RNLS: variants seen among roughly 807,000 people sequenced by gnomAD.
RNLS encodes the protein renalase, FAD dependent amine oxidase.
A neutral mutation model predicts 39.8 loss-of-function variants in RNLS; 39 were observed. That is an observed-to-expected ratio of 0.98 (90% CI 0.76 to 1.28). RNLS has a LOEUF of 1.28. Ranked by LOEUF, RNLS falls within the 50% of genes most tolerant of loss-of-function variation. RNLS has a pLI of 0.00. For missense variants in RNLS, 410 were observed against 413.3 expected (o/e 0.99, Z 0.07); for synonymous variants, 147 against 150.7 (o/e 0.98, Z 0.18).
At chr10:88,452,820 C>A (rs1842432938) in intron 4 of RNLS, among the ~76,000 whole-genome samples, 1 of 152,128 alleles carries the variant, frequency 6.6e-6, no homozygotes, top group South Asian at 2.1e-4. Flanking sequence ...AGAATGAGGG[C>A]AGGAAATATG....
At chr10:88,230,869 TGTTA>T in the RNLS span, among the ~76,000 whole-genome samples, 1 of 152,246 alleles carries the variant, frequency 6.6e-6, no homozygotes, top group Non-Finnish European at 1.5e-5. Flanking sequence ...TTCATACAAT[TGTTA>T]GTTAAATATG....
chr10:88,206,142 CT>C, the RNLS span, among the ~76,000 whole-genome samples: 1 of 152,188 alleles, frequency 6.6e-6, no homozygotes, highest in Non-Finnish European at 1.5e-5. Context: ...CACTAAGTTT[CT>C]GCTGAAGCCC....
intron 4 of RNLS, among the ~76,000 whole-genome samples, chr10:88,461,318 AT>A (rs2133938949): frequency 6.6e-6 from 1 of 152,234 alleles, no homozygotes. Flanking sequence ...CTTGCATGAA[AT>A]TGCTAACCAT....
chr10:88,375,992 C>T (rs1322669359), intron 4 of RNLS, among the ~76,000 whole-genome samples: 8 of 152,066 alleles, frequency 5.3e-5, no homozygotes, highest in African/African-American at 4.8e-5. Flanking sequence ...GGTTGTCTTA[C>T]GCAGACATAA....
intron 4 of RNLS, among the ~76,000 whole-genome samples, chr10:88,411,721 A>G (rs1191982741): frequency 6.6e-6 from 1 of 152,166 alleles, no homozygotes; most frequent in Non-Finnish European, 1.5e-5. Context: ...TGGTTAAAAC[A>G]TAATGTATGC....
At chr10:88,410,103 T>C (rs993147326) in intron 4 of RNLS, among the ~76,000 whole-genome samples, 1 of 152,132 alleles carries the variant, frequency 6.6e-6, no homozygotes, top group Non-Finnish European at 1.5e-5. Context: ...TCAGCTGTAG[T>C]TGACAACTTT....
intron 4 of RNLS, among the ~76,000 whole-genome samples, chr10:88,537,704 G>A (rs1847837259): frequency 1.3e-5 from 2 of 152,148 alleles, no homozygotes; most frequent in South Asian, 2.1e-4. Flanking sequence ...CTCAGGGTGG[G>A]AGAATGGGAG....
In RNLS at chr10:88,554,550, C is replaced by T. The variant is rs111491868; in HGVS notation, c.526+18353G>A. ...TTCCCCTCTCTCTACAAATCTTCAA[C>T]GTCTTCAGCCCCTCTTCAATCTCAG... On this transcript the variant is annotated intron_variant, in intron 4 of 6. Transcript: ENST00000331772. Among the ~76,000 whole-genome samples the T allele has an allele frequency of 3.1e-3, 468 of 152,080 alleles. 4 individuals carry two copies. The highest frequency in any genetic ancestry group is 0.011 in the African/African-American group (451 of 41,494).
At chr10:88,572,402 T>C (rs1849888838) in intron 4 of RNLS, among the ~76,000 whole-genome samples, 1 of 152,208 alleles carries the variant, frequency 6.6e-6, no homozygotes, top group Non-Finnish European at 1.5e-5. Flanking sequence ...TTGGCTCTTC[T>C]GGCATAATTT....
the RNLS span, among the ~76,000 whole-genome samples, chr10:88,184,808 T>C: frequency 6.6e-6 from 1 of 152,266 alleles, no homozygotes; most frequent in Non-Finnish European, 1.5e-5. Context: ...GCTGCAACCA[T>C]AAATCTTCCT....
intron 5 of RNLS, among the ~76,000 whole-genome samples, chr10:88,344,678 T>C (rs907493215): frequency 6.6e-6 from 1 of 152,152 alleles, no homozygotes; most frequent in Non-Finnish European, 1.5e-5. Flanking sequence ...CTTTCCTGAC[T>C]CTGTTAAATA....
At chr10:88,362,785 T>G in intron 4 of RNLS, 60 bp from the exon 5 acceptor site, 1 of 1,508,982 alleles carries the variant, frequency 6.6e-7, no homozygotes, top group Non-Finnish European at 9.0e-7. Context: ...TTTTAGCACA[T>G]CAAATATAAA....
chr10:88,404,482 G>A (rs533518081), intron 4 of RNLS, among the ~76,000 whole-genome samples: 14 of 151,932 alleles, frequency 9.2e-5, no homozygotes, highest in East Asian at 3.9e-4. Context: ...TTTTCCTAAC[G>A]TCAAATAGGT....
chr10:88,457,865 T>C lies in RNLS; in HGVS notation c.527-95140A>G, dbSNP rs148815147. Among the ~76,000 whole-genome samples the C allele has an allele frequency of 1.5e-3, 222 of 152,296 alleles. 1 individual carries two copies. The highest frequency in any genetic ancestry group is 5.1e-3 in the African/African-American group (212 of 41,548). ...GAATGTCTTGAAGCTAGATTTGACG[T>C]CACAGACAGCAGGCAGCACAGAGGA... On this transcript the variant is annotated intron_variant, in intron 4 of 6. Coordinates refer to ENST00000331772, the MANE Select transcript of RNLS (RefSeq NM_001031709.3).
At chr10:88,281,239 A>T (rs75273332), downstream of RNLS, among the ~76,000 whole-genome samples, 888 of 152,294 alleles carry the variant, frequency 5.8e-3, 6 homozygotes, top group South Asian at 0.034. Flanking sequence ...TGCTGAGCAC[A>T]CTAATATGCA....
At chr10:88,566,315 A>G (rs950293557) in intron 4 of RNLS, among the ~76,000 whole-genome samples, 1 of 152,066 alleles carries the variant, frequency 6.6e-6, no homozygotes, top group African/African-American at 2.4e-5. Context: ...TATTTACAAA[A>G]TGTACACAGG....
intron 4 of RNLS, among the ~76,000 whole-genome samples, chr10:88,500,040 G>A (rs548045687): frequency 6.6e-6 from 1 of 152,158 alleles, no homozygotes; most frequent in African/African-American, 2.4e-5. Flanking sequence ...AGCCTTTACA[G>A]TCAACCTGTA....
At chr10:88,424,632 A>T (rs1854610570) in intron 4 of RNLS, among the ~76,000 whole-genome samples, 1 of 152,180 alleles carries the variant, frequency 6.6e-6, no homozygotes, top group South Asian at 2.1e-4. Context: ...CTTTATGGAT[A>T]TACAATCAAA....
chr10:88,377,026 G>GAATT lies in RNLS; in HGVS notation c.527-14305_527-14302dup, dbSNP rs568172461. ...TTATAAATTATTCATTAAACGTAGT[G>GAATT]AATTATTTTATATGGGAAAATTCTC... On this transcript the variant is annotated intron_variant, in intron 4 of 6. Coordinates refer to ENST00000331772, the MANE Select transcript of RNLS (RefSeq NM_001031709.3). 3.9e-3 allele frequency among the ~76,000 whole-genome samples: 557 copies of GAATT among 143,292 alleles called. 3 individuals are homozygous for GAATT. The highest frequency in any genetic ancestry group is 0.014 in the African/African-American group (532 of 37,766). The allele number at this position is 143,292 out of a possible 152,430, so 94.0% of individuals were successfully genotyped here. A position where few individuals can be genotyped will look rare whatever the true frequency, so the allele number is the denominator to read the frequency against.
Sources: allele counts gnomAD v4.1 joint callset (sites outside exome capture counted in the v4.1 genomes callset), GRCh38; gene constraint gnomAD v4.1.1; transcripts MANE v1.5; gene names NCBI Gene and HGNC (gene_info 2026-07-23, HGNC 2026-07-21).